Variants in UBASH3B observed in about 807,000 individuals in gnomAD.
UBASH3B encodes the protein ubiquitin associated and SH3 domain containing B, also known as ubiquitin-associated and SH3 domain-containing protein B.
Under a neutral mutation model 83.4 loss-of-function variants are expected in UBASH3B, and 37 were observed. The observed-to-expected ratio is 0.44, with a 90% CI of 0.34 to 0.58. UBASH3B has a LOEUF of 0.58. Among genes scored for constraint, UBASH3B ranks in the 20% least tolerant of loss-of-function variants. The pLI is 0.01. For synonymous variants in UBASH3B, 304 were observed against 318.3 expected (o/e 0.96, Z 0.48); for missense variants, 657 against 827.2 (o/e 0.79, Z 2.52).
intron 1 of UBASH3B, among the ~76,000 whole-genome samples, chr11:122,671,335 A>G (rs1863591041): frequency 6.6e-6 from 1 of 152,108 alleles, no homozygotes; most frequent in South Asian, 2.1e-4. Context: ...AGACTAGCCT[A>G]GGCAACATGG....
chr11:122,745,837 G>C (rs1259914891), intron 1 of UBASH3B, among the ~76,000 whole-genome samples: 1 of 152,072 alleles, frequency 6.6e-6, no homozygotes, highest in Non-Finnish European at 1.5e-5. Flanking sequence ...GTCCCTTCTG[G>C]GGCAGAGGTC....
At chr11:122,688,007 AT>A (rs1280790953) in intron 1 of UBASH3B, among the ~76,000 whole-genome samples, 1 of 151,972 alleles carries the variant, frequency 6.6e-6, no homozygotes, top group African/African-American at 2.4e-5. Flanking sequence ...TCTTTAGAAC[AT>A]AGGGGTCTGG....
chr11:122,666,709 G>T (rs917577362), intron 1 of UBASH3B, among the ~76,000 whole-genome samples: 1 of 152,096 alleles, frequency 6.6e-6, no homozygotes, highest in African/African-American at 2.4e-5. Context: ...GAGCCACCGC[G>T]CCCAGCTGCA....
intron 3 of UBASH3B, 118 bp from the exon 4 acceptor site, chr11:122,779,379 T>G: frequency 1.9e-6 from 2 of 1,071,730 alleles, no homozygotes; most frequent in Non-Finnish European, 2.8e-6. Flanking sequence ...GGGGTAGTGG[T>G]TAAGTAATTG....
intron 1 of UBASH3B, among the ~76,000 whole-genome samples, chr11:122,679,015 T>C (rs1863704293): frequency 6.6e-6 from 1 of 152,124 alleles, no homozygotes; most frequent in South Asian, 2.1e-4. Flanking sequence ...GTCATAACCA[T>C]GTAATTCAGG....
rs79108197 is a variant in UBASH3B, at chr11:122,670,213, C to T, written c.161+14003C>T. On this transcript the variant is annotated intron_variant, in intron 1 of 13. Coordinates refer to ENST00000284273, the MANE Select transcript of UBASH3B (RefSeq NM_032873.5). ...TGTGTGTGTGTGTATATACACTGCC[C>T]ATCTCAGCTCCCAACTGTGAGAAAA... Among the ~76,000 whole-genome samples, 1,512 of 151,860 alleles carry T rather than the reference C, an allele frequency of 1.0e-2. 25 individuals are homozygous for T. The highest frequency in any genetic ancestry group is 0.035 in the African/African-American group (1,442 of 41,402).
At chr11:122,697,569 G>T (rs769852295) in intron 1 of UBASH3B, among the ~76,000 whole-genome samples, 1 of 152,160 alleles carries the variant, frequency 6.6e-6, no homozygotes, top group Admixed American at 6.5e-5. Context: ...GTGACTGAGG[G>T]CGCTAGAATT....
intron 1 of UBASH3B, among the ~76,000 whole-genome samples, chr11:122,695,741 T>C (rs1360318749): frequency 2.0e-5 from 3 of 152,186 alleles, no homozygotes; most frequent in African/African-American, 7.2e-5. Flanking sequence ...CTAATGATGC[T>C]CAGGAAAGAC....
At chr11:122,798,377 A>G (rs1180540399) in intron 9 of UBASH3B, among the ~76,000 whole-genome samples, 1 of 152,174 alleles carries the variant, frequency 6.6e-6, no homozygotes, top group Non-Finnish European at 1.5e-5. Flanking sequence ...TCTCCTAGCT[A>G]AAGCCTTTAC....
At chr11:122,706,122 T>A (rs1319219416) in intron 1 of UBASH3B, among the ~76,000 whole-genome samples, 2 of 49,316 alleles carry the variant, frequency 4.1e-5, no homozygotes, top group Non-Finnish European at 7.8e-5. Context: ...TTTTTTTTCT[T>A]TTTTTTTTTT....
intron 1 of UBASH3B, among the ~76,000 whole-genome samples, chr11:122,767,266 CA>C (rs202221314): frequency 0.87 from 123,151 of 140,886 alleles, 53,768 homozygotes; most frequent in Non-Finnish European, 0.9. Flanking sequence ...GACTCCGTCT[CA>C]AAAAAAAAAA....
At chr11:122,718,845 G>A (rs1360172425) in intron 1 of UBASH3B, among the ~76,000 whole-genome samples, 2 of 152,150 alleles carry the variant, frequency 1.3e-5, no homozygotes, top group African/African-American at 4.8e-5. Flanking sequence ...AACCCAGCCT[G>A]GGCAACATGG....
intron 1 of UBASH3B, among the ~76,000 whole-genome samples, chr11:122,763,352 C>T (rs1860477357): frequency 6.6e-6 from 1 of 152,174 alleles, no homozygotes; most frequent in African/African-American, 2.4e-5. Context: ...CTGCTGGGCC[C>T]TGCCACATAA....
chr11:122,765,906 C>G (rs1248153350), intron 1 of UBASH3B, among the ~76,000 whole-genome samples: 1 of 152,204 alleles, frequency 6.6e-6, no homozygotes, highest in African/African-American at 2.4e-5. Context: ...TGTGGCCACT[C>G]TGCACATCAT....
rs2156802 is a variant in UBASH3B, at chr11:122,783,242, C to T, written c.771+20C>T. The stretch of plus-strand genomic sequence containing the variant: ...CATGAGGTAATGTCTCACTGTGGTT[C>T]CAGAAGCTACCAGGTGCAGGGATGC... On this transcript the variant is annotated intron_variant, in intron 5 of 13. Transcript: ENST00000284273. 0.15 allele frequency: 247,965 copies of T among 1,608,454 alleles called. 20,287 individuals are homozygous for T. Among genetic ancestry groups the T allele is most frequent in the Middle Eastern group, 0.22 (1,305 of 6,040 alleles).
chr11:122,673,684 G>A (rs907163296), intron 1 of UBASH3B, among the ~76,000 whole-genome samples: 32 of 152,054 alleles, frequency 2.1e-4, no homozygotes, highest in Admixed American at 9.8e-4. Flanking sequence ...AAGGCCTGGC[G>A]CTCTTTCTAT....
At chr11:122,656,318 C>A in intron 1 of UBASH3B, 108 bp downstream of exon 1, 1 of 1,146,882 alleles carries the variant, frequency 8.7e-7, no homozygotes, top group South Asian at 3.1e-5. Flanking sequence ...CAGCGCGCTC[C>A]CCGCTGCCCG....
At chr11:122,733,549 C>T (rs1049246758) in intron 1 of UBASH3B, among the ~76,000 whole-genome samples, 1 of 152,198 alleles carries the variant, frequency 6.6e-6, no homozygotes, top group South Asian at 2.1e-4. Context: ...ACATGTTTAG[C>T]TTTTGTTTCT....
chr11:122,769,539 C>G (rs1433184731), intron 1 of UBASH3B, among the ~76,000 whole-genome samples: 1 of 152,206 alleles, frequency 6.6e-6, no homozygotes, highest in African/African-American at 2.4e-5. Context: ...CACCTGTGTG[C>G]CCTCTGTTCT....
Sources: allele counts gnomAD v4.1 joint callset (sites outside exome capture counted in the v4.1 genomes callset), GRCh38; gene constraint gnomAD v4.1.1; transcripts MANE v1.5; gene names NCBI Gene and HGNC (gene_info 2026-07-23, HGNC 2026-07-21).